Variants in IL2RA observed in about 807,000 individuals in gnomAD.
IL2RA encodes interleukin-2 receptor subunit alpha.
A neutral mutation model predicts 37.8 loss-of-function variants in IL2RA; 24 were observed. That is an observed-to-expected ratio of 0.63 (90% CI 0.46 to 0.89). The LOEUF is 0.89. Among genes scored for constraint, IL2RA ranks in the 40% least tolerant of loss-of-function variants. The pLI is 0.00. For synonymous variants in IL2RA, 125 were observed against 114.6 expected (o/e 1.09, Z -0.58); for missense variants, 319 against 348.6 (o/e 0.92, Z 0.68).
Position 6,058,867 on chromosome 10 carries a change from T to C in IL2RA, c.64+3221A>G, listed in dbSNP as rs1283837334. Among the ~76,000 whole-genome samples, 2 of 152,172 alleles carry C rather than the reference T, an allele frequency of 1.3e-5. No homozygotes were observed. Among genetic ancestry groups the C allele is most frequent in the African/African-American group, 4.8e-5 (2 of 41,432 alleles). On this transcript the variant is annotated intron_variant, in intron 1 of 7. Coordinates refer to ENST00000379959, the MANE Select transcript of IL2RA (RefSeq NM_000417.3). This position sits in a 1 kb window ranked among gnomAD's most constrained non-coding sequence, Gnocchi z 4.2. ...GACCACATCCCAGAGCCCAGTAATA[T>C]AGAGACTAAAAACACTCAAGTTGAC...
chr10:6,045,152 G>A (rs924875198), intron 1 of IL2RA, among the ~76,000 whole-genome samples: 2 of 152,202 alleles, frequency 1.3e-5, no homozygotes, highest in Non-Finnish European at 1.5e-5. Flanking sequence ...GCAGTAATTA[G>A]CACAGAAGCA....
In IL2RA at chr10:6,025,732, TG is replaced by T; in HGVS notation, c.256+101del. 1 of 1,064,148 alleles carries T rather than the reference TG, an allele frequency of 9.4e-7. No individual in the cohort carries two copies. The highest frequency in any genetic ancestry group is 1.5e-6 in the Non-Finnish European group (1 of 686,238). The allele number at this position is 1,064,148 out of a possible 1,614,324, so 65.9% of individuals were successfully genotyped here. A position where few individuals can be genotyped will look rare whatever the true frequency, so the allele number is the denominator to read the frequency against. On this transcript the variant is annotated intron_variant, in intron 2 of 7. Transcript: ENST00000379959. This position sits in a 1 kb window ranked among gnomAD's most constrained non-coding sequence, Gnocchi z 4.4. ...AAATTAGTTATCCTGTAGACTGGAC[TG>T]GCCCATTTGTGTCTATAGGGCTGAG...
At position 6,010,911 on chromosome 10, in the gene IL2RA, C is replaced by T. The variant is rs1839182370; in HGVS notation, c.*1961G>A. 6.6e-6 allele frequency: 1 copy of T among 152,214 alleles called. No homozygotes were observed. Among genetic ancestry groups the T allele is most frequent in the East Asian group, 1.9e-4 (1 of 5,310 alleles). The allele number at this position is 152,214 out of a possible 1,614,324, so 9.4% of individuals were successfully genotyped here. The stretch of plus-strand genomic sequence containing the variant: ...CACCCAAAAGTCGTAATCAGTTCTA[C>T]TCAAGTAAGATTTAAATATATATCT... On this transcript the variant is annotated 3_prime_UTR_variant, in exon 8 of 8. Coordinates refer to ENST00000379959, the MANE Select transcript of IL2RA (RefSeq NM_000417.3).
rs566627895 is a variant in IL2RA, at chr10:6,047,221, A to G, written c.64+14867T>C. 2.2e-4 allele frequency among the ~76,000 whole-genome samples: 33 copies of G among 152,370 alleles called. No individual in the cohort carries two copies. In the South Asian group the frequency reaches 6.8e-3, roughly 32 times the overall value. On this transcript the variant is annotated intron_variant, in intron 1 of 7. Transcript: ENST00000379959. The surrounding 1 kb of genome is among the most constrained non-coding windows in gnomAD (Gnocchi z 5.0). ...AGACCATGTGGACACAGGTAGCCCA[A>G]GGAACAACCCCCATGCCAACAGCAC...
At position 6,044,703 on chromosome 10, in the gene IL2RA, A is replaced by G. The variant is rs371619224; in HGVS notation, c.64+17385T>C. ...TTTTAAATGGCATAATTACAGAGAT[A>G]TAAAATTTATGTATGCATGTGACCA... On this transcript the variant is annotated intron_variant, in intron 1 of 7. Transcript: ENST00000379959. This position sits in a 1 kb window ranked among gnomAD's most constrained non-coding sequence, Gnocchi z 4.5. Among the ~76,000 whole-genome samples, 8 of 152,334 alleles carry G rather than the reference A, an allele frequency of 5.3e-5. No homozygotes were observed. The highest frequency in any genetic ancestry group is 1.9e-4 in the African/African-American group (8 of 41,578).
chr10:6,041,016 C>T (rs1476466160), intron 1 of IL2RA, among the ~76,000 whole-genome samples: 1 of 151,976 alleles, frequency 6.6e-6, no homozygotes, highest in Non-Finnish European at 1.5e-5. Flanking sequence ...CAGAAATGTG[C>T]TAAGTTCTGA....
chr10:6,043,255 C>A (rs1839800036), intron 1 of IL2RA, among the ~76,000 whole-genome samples: 1 of 151,862 alleles, frequency 6.6e-6, no homozygotes, highest in South Asian at 2.1e-4. Context: ...AGCAAAGTTG[C>A]AAATAGAAAC....
intron 1 of IL2RA, among the ~76,000 whole-genome samples, chr10:6,051,519 T>TATA (rs1839957866): frequency 7.8e-6 from 1 of 128,950 alleles, no homozygotes; most frequent in African/African-American, 3.0e-5. Context: ...ATATATATAT[T>TATA]TTTTTTCTTT....
At chr10:6,043,924 T>C (rs1839810514) in intron 1 of IL2RA, among the ~76,000 whole-genome samples, 1 of 152,230 alleles carries the variant, frequency 6.6e-6, no homozygotes, top group Non-Finnish European at 1.5e-5. Context: ...ACCTCCCAAA[T>C]GTTAATTCTT....
In IL2RA at chr10:6,058,253, A is replaced by G. The variant is rs1840077328; in HGVS notation, c.64+3835T>C. Among the ~76,000 whole-genome samples, 1 of 152,236 alleles carries G rather than the reference A, an allele frequency of 6.6e-6. No individual in the cohort carries two copies. Among genetic ancestry groups the G allele is most frequent in the Admixed American group, 6.5e-5 (1 of 15,282 alleles). ...GAGTAGTGGAGTTTTAGAGCTCAGC[A>G]ACCGTTCTATATTAGCACCTCTAAC... On this transcript the variant is annotated intron_variant, in intron 1 of 7. Coordinates refer to ENST00000379959, the MANE Select transcript of IL2RA (RefSeq NM_000417.3). The surrounding 1 kb of genome is among the most constrained non-coding windows in gnomAD (Gnocchi z 4.2).
At chr10:6,059,351 C>A (rs1026956368) in intron 1 of IL2RA, among the ~76,000 whole-genome samples, 2 of 152,180 alleles carry the variant, frequency 1.3e-5, no homozygotes, top group African/African-American at 4.8e-5. Flanking sequence ...ACTGCCTGTG[C>A]GAGTCTGAGT....
chr10:6,039,537 C>T (rs1226769030), intron 1 of IL2RA: 2 of 151,868 alleles, frequency 1.3e-5, no homozygotes, highest in Non-Finnish European at 2.9e-5. Flanking sequence ...ACTCTTTTTT[C>T]AAGCACACAT....
intron 1 of IL2RA, among the ~76,000 whole-genome samples, chr10:6,051,523 T>C (rs1564552642): frequency 6.9e-6 from 1 of 145,838 alleles, no homozygotes; most frequent in African/African-American, 2.5e-5. Flanking sequence ...ATATATTTTT[T>C]TTCTTTTTTT....
chr10:6,016,457 C>T (rs12240985), intron 7 of IL2RA, among the ~76,000 whole-genome samples: 1 of 152,190 alleles, frequency 6.6e-6, no homozygotes, highest in African/African-American at 2.4e-5. Flanking sequence ...CACCACTGAA[C>T]TGTACATTTT....
At chr10:6,023,841 G>A (rs956636328) in intron 3 of IL2RA, among the ~76,000 whole-genome samples, 3 of 152,214 alleles carry the variant, frequency 2.0e-5, no homozygotes, top group Non-Finnish European at 2.9e-5. Flanking sequence ...TTTGCGGTGC[G>A]TTGTCTTGTG....
chr10:6,041,860 A>G (rs1161532116), intron 1 of IL2RA, among the ~76,000 whole-genome samples: 1 of 152,164 alleles, frequency 6.6e-6, no homozygotes, highest in African/African-American at 2.4e-5. Flanking sequence ...GATAAATATC[A>G]CTGTGGAAGT....
rs377128949 is a variant in IL2RA at position 6,047,571 on chromosome 10, A to G, written c.64+14517T>C. ...AATGTTCTCGGCTTCCCAGACACCAATGAAGGAGCTTATTATGAATATGAA... is the reference window on the plus strand; with the variant it reads ...AATGTTCTCGGCTTCCCAGACACCAGTGAAGGAGCTTATTATGAATATGAA... On this transcript the variant is annotated intron_variant, in intron 1 of 7. Coordinates refer to ENST00000379959, the MANE Select transcript of IL2RA (RefSeq NM_000417.3). This position sits in a 1 kb window ranked among gnomAD's most constrained non-coding sequence, Gnocchi z 5.0. 5.3e-4 allele frequency among the ~76,000 whole-genome samples: 81 copies of G among 152,220 alleles called. 1 individual carries two copies. The South Asian group carries it at 0.011, about 20-fold the overall frequency.
chr10:6,053,240 T>C lies in IL2RA; in HGVS notation c.64+8848A>G, dbSNP rs564568896. 3.9e-5 allele frequency among the ~76,000 whole-genome samples: 6 copies of C among 152,356 alleles called. No homozygotes were observed. The South Asian group carries it at 8.3e-4, about 21-fold the overall frequency. ...GCTTCCTATCCTAGCCCCTTCCTCG[T>C]TGGGCTACATCAGGCAACCCATTTA... On this transcript the variant is annotated intron_variant, in intron 1 of 7. Coordinates refer to ENST00000379959, the MANE Select transcript of IL2RA (RefSeq NM_000417.3).
Position 6,012,766 on chromosome 10 carries a change from G to C in IL2RA, c.*106C>G. On this transcript the variant is annotated 3_prime_UTR_variant, in exon 8 of 8. Coordinates refer to ENST00000379959, the MANE Select transcript of IL2RA (RefSeq NM_000417.3). The surrounding 1 kb of genome is among the most constrained non-coding windows in gnomAD (Gnocchi z 4.8). ...TTCCAAAACGCAGGCAAGCACAACG[G>C]ATGTCTCCTGGGCGACCATTTAGCA... is the stretch of plus-strand genomic sequence containing the variant. 1.7e-6 allele frequency: 2 copies of C among 1,193,384 alleles called. No homozygotes were observed. The highest frequency in any genetic ancestry group is 1.2e-5 in the South Asian group (1 of 82,412). 73.9% of individuals were successfully genotyped at this position (1,193,384 alleles called of 1,614,324 possible).
Sources: allele counts gnomAD v4.1 joint callset (sites outside exome capture counted in the v4.1 genomes callset), GRCh38; gene constraint gnomAD v4.1.1; non-coding constraint Gnocchi (gnomAD v3.1); transcripts MANE v1.5; gene names NCBI Gene and HGNC (gene_info 2026-07-23, HGNC 2026-07-21).